The following ZNF429 variants were observed in gnomAD, a reference collection of about 807,000 sequenced individuals.
The protein encoded by ZNF429 is zinc finger protein 429.
ZNF429 carries 53 observed loss-of-function variants against 56.8 expected under a neutral mutation model. The ratio of observed to expected loss-of-function variants is 0.93; its 90% CI spans 0.75 to 1.17. ZNF429 has a LOEUF of 1.17. Among genes scored for constraint, ZNF429 ranks in the 50% most tolerant of loss-of-function variants. The pLI, the probability that ZNF429 is intolerant of heterozygous loss-of-function variation, is 0.00. For missense variants in ZNF429, 849 were observed against 788.4 expected (o/e 1.08, Z -0.92); for synonymous variants, 278 against 264.7 (o/e 1.05, Z -0.49).
Position 21,505,741 on chromosome 19 carries a change from T to C in ZNF429, c.-31T>C. On this transcript the variant is annotated 5_prime_UTR_variant, in exon 1 of 4. Transcript: ENST00000358491. Reference sequence around the variant, plus strand: ...CCGCAGATATTGGGAGATACACAGCTAAGACTCCAGGACCCCCTGGAAGCC... The same window carrying C: ...CCGCAGATATTGGGAGATACACAGCCAAGACTCCAGGACCCCCTGGAAGCC... 6.2e-7 allele frequency: 1 copy of C among 1,608,492 alleles called. No homozygotes were observed. The highest frequency in any genetic ancestry group is 8.5e-7 in the Non-Finnish European group (1 of 1,176,414).
intron 1 of ZNF429, among the ~76,000 whole-genome samples, chr19:21,516,281 G>GT (rs2032739244): frequency 6.6e-6 from 1 of 151,884 alleles, no homozygotes; most frequent in African/African-American, 2.4e-5. Context: ...TAGGGACGGG[G>GT]TTTCACCGTG....
In ZNF429 at chr19:21,536,547, C is replaced by T. The variant is rs375826909; in HGVS notation, c.494C>T (p.Thr165Ile). 35 of 1,613,412 alleles carry T rather than the reference C, an allele frequency of 2.2e-5. No homozygotes were observed. The African/African-American group carries it at 4.3e-4, about 20-fold the overall frequency. The change falls in exon 4 of 4, where the codon ACA becomes ATA. Residue 165 changes from threonine to isoleucine, a missense_variant. Transcript: ENST00000358491. ...YAFSNADRYKTRHTGKKPFQC... is the reference protein window; with the variant it reads ...YAFSNADRYKIRHTGKKPFQC... ...TTTTCAAATGCAGATAGATACAAGA[C>T]AAGACATACTGGAAAGAAACCTTTC... is the stretch of plus-strand genomic sequence containing the variant.
At chr19:21,531,107 A>AAAAAAAAAAACAAAAC in intron 3 of ZNF429, among the ~76,000 whole-genome samples, 2 of 73,566 alleles carry the variant, frequency 2.7e-5, no homozygotes, top group African/African-American at 1.7e-4. Context: ...ACTCCATCTC[A>AAAAAAAAAAACAAAAC]AAAAAAAAAA....
chr19:21,513,563 A>G (rs540084438), intron 1 of ZNF429, among the ~76,000 whole-genome samples: 2 of 152,308 alleles, frequency 1.3e-5, no homozygotes, highest in South Asian at 2.1e-4. Flanking sequence ...GTGGTGTCCA[A>G]ATTCAAATGT....
At chr19:21,518,711 C>G (rs2032873891) in intron 1 of ZNF429, 1 of 152,116 alleles carries the variant, frequency 6.6e-6, no homozygotes, top group Non-Finnish European at 1.5e-5. Flanking sequence ...CACCACCACG[C>G]CCAGCTAAAT....
intron 1 of ZNF429, among the ~76,000 whole-genome samples, chr19:21,513,166 C>T (rs532781854): frequency 3.0e-4 from 45 of 152,232 alleles, no homozygotes; most frequent in Non-Finnish European, 4.9e-4. Context: ...CCACTGCACC[C>T]GGCCCTTAGT....
At chr19:21,522,412 T>A (rs2681369) in intron 1 of ZNF429, among the ~76,000 whole-genome samples, 2,944 of 152,324 alleles carry the variant, frequency 0.019, 113 homozygotes, top group African/African-American at 0.067. Context: ...TGTCACATTC[T>A]GGTTTACTTG....
chr19:21,523,178 T>C (rs1607664), intron 1 of ZNF429, among the ~76,000 whole-genome samples: 29,842 of 152,156 alleles, frequency 0.2, 3,012 homozygotes, highest in African/African-American at 0.22. Flanking sequence ...CTTGGTAAAC[T>C]GCTCACAAAT....
At chr19:21,513,646 T>C (rs1373901839) in intron 1 of ZNF429, among the ~76,000 whole-genome samples, 1 of 152,148 alleles carries the variant, frequency 6.6e-6, no homozygotes, top group East Asian at 1.9e-4. Context: ...AGAAGAAAGA[T>C]ATCACAGAGG....
intron 2 of ZNF429, 75 bp from the exon 3 acceptor site, chr19:21,530,514 T>C: frequency 1.0e-6 from 1 of 981,954 alleles, no homozygotes; most frequent in Non-Finnish European, 1.5e-6. Flanking sequence ...TTACATCCTC[T>C]TTACTGAGCA....
In ZNF429 at chr19:21,536,812, A is replaced by G. The variant is rs1445805325; in HGVS notation, c.759A>G (p.Gly253=). 2 of 1,613,762 alleles carry G rather than the reference A, an allele frequency of 1.2e-6. No individual in the cohort carries two copies. The highest frequency in any genetic ancestry group is 1.7e-6 in the Non-Finnish European group (2 of 1,179,964). ...CTAACCATAAGAGAATTCATACTGG[A>G]GAGAAACCCTACAAATGTAAAGAAT... ...TLTNHKRIHT[G]EKPYKCKECG... The change falls in exon 4 of 4, where the codon GGA becomes GGG. Residue 253 remains glycine (G), a synonymous_variant. Coordinates refer to ENST00000358491, the MANE Select transcript of ZNF429 (RefSeq NM_001001415.4).
Position 21,540,400 on chromosome 19 carries a change from C to A in ZNF429, c.*2322C>A, listed in dbSNP as rs189781688. On this transcript the variant is annotated 3_prime_UTR_variant, in exon 4 of 4. Coordinates refer to ENST00000358491, the MANE Select transcript of ZNF429 (RefSeq NM_001001415.4). The stretch of plus-strand genomic sequence containing the variant: ...CTTTTTTTGATATTTAAATTTTTTT[C>A]TTATTTTTTTGTGGGTACATAATAT... 1.1e-4 allele frequency among the ~76,000 whole-genome samples: 16 copies of A among 151,762 alleles called. No individual in the cohort carries two copies. The highest frequency in any genetic ancestry group is 7.9e-4 in the Admixed American group (12 of 15,220).
In ZNF429 at chr19:21,539,619, TGAG is replaced by T. The variant is rs933408282; in HGVS notation, c.*1542_*1544del. 9.3e-5 allele frequency among the ~76,000 whole-genome samples: 14 copies of T among 149,950 alleles called. No individual in the cohort carries two copies. In the Admixed American group the frequency reaches 9.4e-4, roughly 10 times the overall value. ...TTTTTTTTTGTATTTTTAGTAGAGA[TGAG>T]ATTTCACCATTTTGTCCAGGGTGGT... is the stretch of plus-strand genomic sequence containing the variant. On this transcript the variant is annotated 3_prime_UTR_variant, in exon 4 of 4. Coordinates refer to ENST00000358491, the MANE Select transcript of ZNF429 (RefSeq NM_001001415.4).
rs1417796819 is a variant in ZNF429 at position 21,537,420 on chromosome 19, A to T, written c.1367A>T (p.Asn456Ile). 1 of 1,613,720 alleles carries T rather than the reference A, an allele frequency of 6.2e-7. No individual in the cohort carries two copies. The highest frequency in any genetic ancestry group is 8.5e-7 in the Non-Finnish European group (1 of 1,179,810). The part of the protein sequence containing the change: ...IHTEEKPYKC[N>I]ECGKAFNRSS... ...ACTGAAGAGAAACCCTATAAATGTAACGAATGTGGCAAAGCTTTTAACCGG... is the reference window on the plus strand; with the variant it reads ...ACTGAAGAGAAACCCTATAAATGTATCGAATGTGGCAAAGCTTTTAACCGG... Residue 456 changes from asparagine to isoleucine, a missense_variant, in exon 4 of 4, where the codon AAC becomes ATC. Asn to Ile is a moderately radical substitution (Grantham distance 149). Transcript: ENST00000358491.
intron 1 of ZNF429, among the ~76,000 whole-genome samples, chr19:21,515,231 G>C (rs1233445492): frequency 1.4e-5 from 2 of 147,196 alleles, no homozygotes; most frequent in Non-Finnish European, 3.0e-5. Context: ...GTGAGCCACT[G>C]TGCCTGGCCT....
intron 1 of ZNF429, among the ~76,000 whole-genome samples, chr19:21,525,453 GCC>G (rs1216751366): frequency 6.6e-6 from 1 of 151,854 alleles, no homozygotes; most frequent in Non-Finnish European, 1.5e-5. Context: ...CCACTCTTTG[GCC>G]CAGTTCTGTT....
chr19:21,512,662 C>CAAAAAA (rs35584125), intron 1 of ZNF429, among the ~76,000 whole-genome samples: 1 of 81,378 alleles, frequency 1.2e-5, no homozygotes, highest in Non-Finnish European at 2.3e-5. Flanking sequence ...GACTCCATCT[C>CAAAAAA]AAAAAAAAAA....
chr19:21,513,491 C>A, intron 1 of ZNF429, among the ~76,000 whole-genome samples: 1 of 152,242 alleles, frequency 6.6e-6, no homozygotes, highest in South Asian at 2.1e-4. Flanking sequence ...TTGTGACTGG[C>A]ATCTCCAGTA....
chr19:21,505,883 GC>G, intron 1 of ZNF429, 109 bp downstream of exon 1: 1 of 1,254,826 alleles, frequency 8.0e-7, no homozygotes, highest in South Asian at 1.3e-5. Flanking sequence ...CACAATCTGC[GC>G]CCGGAATTCT....
Sources: allele counts gnomAD v4.1 joint callset (sites outside exome capture counted in the v4.1 genomes callset), GRCh38; gene constraint gnomAD v4.1.1; transcripts MANE v1.5; gene names NCBI Gene and HGNC (gene_info 2026-07-23, HGNC 2026-07-21).